Variants in KIF1B observed in about 807,000 individuals in gnomAD.
KIF1B encodes kinesin-like protein KIF1B.
In KIF1B, 76 loss-of-function variants were observed where a neutral mutation model predicts 241.9. The ratio of observed to expected loss-of-function variants is 0.31; its 90% CI spans 0.26 to 0.38. The LOEUF (loss-of-function observed/expected upper bound fraction) is 0.38, where lower values mean the gene tolerates loss of function less well. Among genes scored for constraint, KIF1B ranks in the 10% least tolerant of loss-of-function variants. The pLI is 1.00. For missense variants in KIF1B, 1,622 were observed against 2,271.4 expected (o/e 0.71, Z 5.81); for synonymous variants, 750 against 796.7 (o/e 0.94, Z 0.99).
chr1:10,381,488 C>T lies in KIF1B; in HGVS notation c.*4901C>T. 4.9e-6 allele frequency: 1 copy of T among 204,742 alleles called. No individual in the cohort carries two copies. Among genetic ancestry groups the T allele is most frequent in the Non-Finnish European group, 1.0e-5 (1 of 99,766 alleles). The allele number at this position is 204,742 out of a possible 1,614,324, so 12.7% of individuals were successfully genotyped here. On this transcript the variant is annotated 3_prime_UTR_variant, in exon 49 of 49. Transcript: ENST00000676179. ...ATTTGTACTAATTCTGATTCTTTTG[C>T]TGTATAGCCTTAGATGTGCAATGCA...
intron 2 of KIF1B, among the ~76,000 whole-genome samples, chr1:10,248,799 T>A (rs983076736): frequency 6.6e-6 from 1 of 151,982 alleles, no homozygotes; most frequent in African/African-American, 2.4e-5. Context: ...ATACATCAGA[T>A]GTGGAGGATG....
chr1:10,269,163 T>C (rs1406120449), intron 7 of KIF1B, among the ~76,000 whole-genome samples: 2 of 152,164 alleles, frequency 1.3e-5, no homozygotes, highest in Non-Finnish European at 2.9e-5. Context: ...TGTCACTAAT[T>C]ATTAAAATCA....
chr1:10,361,611 CTTTCCAAATACGTTCGT>C, intron 39 of KIF1B, 64 bp from the exon 40 acceptor site: 1 of 1,569,222 alleles, frequency 6.4e-7, no homozygotes, highest in Non-Finnish European at 8.7e-7. Flanking sequence ...CTGGGACTCG[CTTTCCAAATACGTTCGT>C]GTATAGACTC....
At chr1:10,212,837 T>C (rs1462852168) in intron 1 of KIF1B, among the ~76,000 whole-genome samples, 1 of 145,912 alleles carries the variant, frequency 6.9e-6, no homozygotes, top group African/African-American at 2.5e-5. Context: ...AGCAAGACCC[T>C]GGCTAAAAAA....
intron 1 of KIF1B, among the ~76,000 whole-genome samples, chr1:10,223,404 A>G (rs985721049): frequency 6.6e-6 from 1 of 152,206 alleles, no homozygotes; most frequent in African/African-American, 2.4e-5. Context: ...GATGTCTATT[A>G]TAATGGATAC....
intron 1 of KIF1B, among the ~76,000 whole-genome samples, chr1:10,212,326 G>C (rs551007650): frequency 6.6e-6 from 1 of 152,300 alleles, no homozygotes; most frequent in Admixed American, 6.5e-5. Flanking sequence ...TGATATGGTT[G>C]CTGGATTATA....
rs200621535 is a variant in KIF1B at position 10,212,883 on chromosome 1, C to CGT, written c.-80+2012_-80+2013dup. On this transcript the variant is annotated intron_variant, in intron 1 of 48. Transcript: ENST00000676179. ...ATATATATATGTGTGTGTGTGCATG[C>CGT]GTGTGTGTATATATATATATATATA... is the stretch of plus-strand genomic sequence containing the variant. Among the ~76,000 whole-genome samples, 334 of 64,814 alleles carry CGT rather than the reference C, an allele frequency of 5.2e-3. 5 individuals carry two copies. Among genetic ancestry groups the CGT allele is most frequent in the South Asian group, 0.02 (33 of 1,634 alleles). The allele number at this position is 64,814 out of a possible 152,430, so 42.5% of individuals were successfully genotyped here.
chr1:10,232,409 C>T lies in KIF1B; in HGVS notation c.81C>T (p.Ile27=), dbSNP rs142464329. 25 of 1,613,518 alleles carry T rather than the reference C, an allele frequency of 1.5e-5. No individual in the cohort carries two copies. The highest frequency in any genetic ancestry group is 1.7e-5 in the Non-Finnish European group (20 of 1,179,602). The change falls in exon 2 of 49, where the codon ATC becomes ATT. Residue 27 remains isoleucine, a synonymous_variant. Coordinates refer to ENST00000676179, the MANE Select transcript of KIF1B (RefSeq NM_001365951.3). ...SRETSKESKC[I]IQMQGNSTSI... is the part of the protein sequence containing the mutation. ...AGACCAGCAAGGAATCCAAATGCAT[C>T]ATTCAGATGCAAGGCAACTCGACCA...
intron 11 of KIF1B, 96 bp from the exon 12 acceptor site, chr1:10,276,225 C>T: frequency 1.2e-6 from 1 of 848,016 alleles, no homozygotes; most frequent in South Asian, 1.4e-5. Flanking sequence ...TACATTAAAT[C>T]TTAGGATCTG....
chr1:10,213,969 C>A (rs1646728874), intron 1 of KIF1B, among the ~76,000 whole-genome samples: 1 of 150,884 alleles, frequency 6.6e-6, no homozygotes. Context: ...GGACCCCCAT[C>A]TCTACCAAAA....
At chr1:10,282,623 C>T in intron 15 of KIF1B, 90 bp downstream of exon 15, 3 of 1,067,874 alleles carry the variant, frequency 2.8e-6, no homozygotes, top group Non-Finnish European at 4.4e-6. Context: ...TTCGACTCAG[C>T]ATATGGAGAA....
chr1:10,220,157 G>A (rs1398415114), intron 1 of KIF1B, among the ~76,000 whole-genome samples: 4 of 149,456 alleles, frequency 2.7e-5, no homozygotes, highest in African/African-American at 4.9e-5. Context: ...AGCCGAGATC[G>A]CGAGCCATTG....
In KIF1B at chr1:10,246,556, C is replaced by T. The variant is rs191005311; in HGVS notation, c.107-9691C>T. Among the ~76,000 whole-genome samples the T allele has an allele frequency of 3.1e-3, 473 of 152,194 alleles. 3 individuals are homozygous for T. In the Middle Eastern group the frequency reaches 0.037, roughly 12 times the overall value. The stretch of plus-strand genomic sequence containing the variant: ...GTCAAGAGTTGGAGACCAGCCTGGC[C>T]AACGTGGTGAAACCCCGTCTCTACT... On this transcript the variant is annotated intron_variant, in intron 2 of 48. Coordinates refer to ENST00000676179, the MANE Select transcript of KIF1B (RefSeq NM_001365951.3).
intron 43 of KIF1B, among the ~76,000 whole-genome samples, chr1:10,367,005 A>G (rs1638595127): frequency 6.6e-6 from 1 of 152,138 alleles, no homozygotes. Flanking sequence ...AGCAATAAAG[A>G]GAATGGATTG....
intron 35 of KIF1B, among the ~76,000 whole-genome samples, chr1:10,346,887 A>G (rs1401636320): frequency 1.3e-5 from 2 of 152,180 alleles, no homozygotes; most frequent in Non-Finnish European, 2.9e-5. Context: ...ATTTTGCAGC[A>G]TCCTTGGCCC....
chr1:10,335,660 T>C (rs1652139690), intron 28 of KIF1B, among the ~76,000 whole-genome samples: 1 of 152,046 alleles, frequency 6.6e-6, no homozygotes, highest in Non-Finnish European at 1.5e-5. Flanking sequence ...TCAGAGTACT[T>C]GTAATAGACA....
At chr1:10,320,978 G>A (rs1277922666) in intron 23 of KIF1B, among the ~76,000 whole-genome samples, 2 of 152,006 alleles carry the variant, frequency 1.3e-5, no homozygotes, top group Admixed American at 6.6e-5. Context: ...TGGGATTACA[G>A]GCATGAGCCA....
In KIF1B at chr1:10,276,343, G is replaced by T; in HGVS notation, c.981G>T (p.Met327Ile). 6.2e-7 allele frequency: 1 copy of T among 1,613,900 alleles called. No individual in the cohort carries two copies. Among genetic ancestry groups the T allele is most frequent in the Non-Finnish European group, 8.5e-7 (1 of 1,179,866 alleles). Residue 327 changes from methionine to isoleucine, a missense_variant, in exon 12 of 49, where the codon ATG (methionine) becomes ATT (isoleucine). Met to Ile is a conservative substitution (Grantham distance 10). Coordinates refer to ENST00000676179, the MANE Select transcript of KIF1B (RefSeq NM_001365951.3). ...TAGGTGGCAATTCTCGGACTGCAAT[G>T]GTTGCTGCTCTGAGCCCCGCGGATA... The part of the protein sequence containing the change: ...ENLGGNSRTA[M>I]VAALSPADIN...
At chr1:10,240,899 A>G (rs1159133801) in intron 2 of KIF1B, among the ~76,000 whole-genome samples, 1 of 152,016 alleles carries the variant, frequency 6.6e-6, no homozygotes, top group Non-Finnish European at 1.5e-5. Context: ...ACATGATTTC[A>G]GTAGCTGCTT....
Sources: gnomAD v4.1 joint callset for allele counts (sites outside exome capture counted in the v4.1 genomes callset) on GRCh38, gnomAD v4.1.1 for gene constraint, MANE v1.5 for transcripts, NCBI Gene and HGNC (gene_info 2026-07-23, HGNC 2026-07-21) for gene names.